The following STN1 variants were observed in gnomAD, a reference collection of about 807,000 sequenced individuals.
The protein encoded by STN1 is STN1 subunit of CST complex, also known as CST complex subunit STN1.
STN1 carries 29 observed loss-of-function variants against 45.5 expected under a neutral mutation model. The ratio of observed to expected loss-of-function variants is 0.64; its 90% confidence interval spans 0.47 to 0.87. STN1 has a LOEUF of 0.87. STN1 is among the 40% of genes least tolerant of loss of function. STN1 has a pLI of 0.00. For missense variants in STN1, 376 were observed against 441.4 expected (o/e 0.85, Z 1.33); for synonymous variants, 148 against 159.0 (o/e 0.93, Z 0.52).
intron 7 of STN1, among the ~76,000 whole-genome samples, chr10:103,892,718 A>C (rs1843147739): frequency 6.6e-6 from 1 of 152,214 alleles, no homozygotes; most frequent in African/African-American, 2.4e-5. Flanking sequence ...TCATTATTTT[A>C]AATGGAGGAC....
rs562598835 is a variant in STN1 at position 103,881,673 on chromosome 10, C to T, written c.*1011G>A. On this transcript the variant is annotated 3_prime_UTR_variant, in exon 10 of 10. Transcript: ENST00000224950. ...TCACATCAAGAGCAAATGCAGCAGA[C>T]GAAGGCAGTGCCTTCTGTGAAATGA... Among the ~76,000 whole-genome samples, 7 of 152,322 alleles carry T rather than the reference C, an allele frequency of 4.6e-5. No individual in the cohort carries two copies. The South Asian group carries it at 6.2e-4, about 14-fold the overall frequency.
chr10:103,884,692 C>T (rs1843092162), intron 9 of STN1, among the ~76,000 whole-genome samples: 1 of 152,096 alleles, frequency 6.6e-6, no homozygotes. Flanking sequence ...AGAGGTATTG[C>T]GGTGTGAGGC....
rs1431462316 is a variant in STN1, at chr10:103,881,862, TTGTC to T, written c.*818_*821del. On this transcript the variant is annotated 3_prime_UTR_variant, in exon 10 of 10. Transcript: ENST00000224950. ...ACCTGTCTGGGCACATACCGAGTCT[TTGTC>T]TGGATGGTGTCAGCACATCCTGCAC... is the stretch of plus-strand genomic sequence containing the variant. Among the ~76,000 whole-genome samples the T allele has an allele frequency of 1.3e-5, 2 of 152,168 alleles. No homozygotes were observed. Among genetic ancestry groups the T allele is most frequent in the East Asian group, 1.9e-4 (1 of 5,188 alleles).
In STN1 at chr10:103,910,199, C is replaced by T. The variant is rs1038174159; in HGVS notation, c.229+328G>A. The stretch of plus-strand genomic sequence containing the variant: ...TGATCCACATAACCACATATTACCA[C>T]GCTTTGCTATTTACAGATATACCCT... On this transcript the variant is annotated intron_variant, in intron 3 of 9. Coordinates refer to ENST00000224950, the MANE Select transcript of STN1 (RefSeq NM_024928.5). Among the ~76,000 whole-genome samples the T allele has an allele frequency of 5.9e-5, 9 of 152,290 alleles. No individual in the cohort carries two copies. In the East Asian group the frequency reaches 7.7e-4, roughly 13 times the overall value.
chr10:103,900,431 G>A (rs1194544672), intron 4 of STN1, among the ~76,000 whole-genome samples: 4 of 152,162 alleles, frequency 2.6e-5, no homozygotes, highest in Non-Finnish European at 4.4e-5. Flanking sequence ...AGAGCGGGGT[G>A]AAAGGAACGG....
chr10:103,900,322 C>T lies in STN1; in HGVS notation c.296-99G>A, dbSNP rs150154593. 1.1e-3 allele frequency: 1,183 copies of T among 1,095,372 alleles called. 10 individuals carry two copies. The African/African-American group carries it at 0.013, about 12-fold the overall frequency. 67.9% of individuals were successfully genotyped at this position (1,095,372 alleles called of 1,614,324 possible). On this transcript the variant is annotated intron_variant, in intron 4 of 9. Coordinates refer to ENST00000224950, the MANE Select transcript of STN1 (RefSeq NM_024928.5). ...TTTAGGGTAAGACCAACACAATATG[C>T]TTATTTATTCTACTTCTGAGTAATT...
In STN1 at chr10:103,879,559, G is replaced by T. The variant is rs115640623; in HGVS notation, c.*3125C>A. ...AGCACCAGCCCTAAGGCAGGAATAT[G>T]CCGAGGCATGTGTGCAAGGCCCGTG... On this transcript the variant is annotated 3_prime_UTR_variant, in exon 10 of 10. Transcript: ENST00000224950. The T allele has an allele frequency of 8.6e-3, 1,037 of 120,796 alleles. 10 individuals are homozygous for T. The highest frequency in any genetic ancestry group is 0.033 in the African/African-American group (961 of 29,072). The allele number at this position is 120,796 out of a possible 1,614,324, so 7.5% of individuals were successfully genotyped here.
intron 5 of STN1, 72 bp from the exon 6 acceptor site, chr10:103,899,072 A>G: frequency 6.5e-7 from 1 of 1,542,690 alleles, no homozygotes; most frequent in Non-Finnish European, 8.8e-7. Context: ...TCCCAGGCCC[A>G]AACTGCTGCT....
chr10:103,916,704 C>G (rs995176482), intron 2 of STN1, among the ~76,000 whole-genome samples: 6 of 151,262 alleles, frequency 4.0e-5, no homozygotes, highest in Non-Finnish European at 7.4e-5. Context: ...TATTACACAG[C>G]TACGTGAATT....
At chr10:103,891,264 C>T (rs1843137605) in intron 8 of STN1, among the ~76,000 whole-genome samples, 1 of 152,172 alleles carries the variant, frequency 6.6e-6, no homozygotes, top group Admixed American at 6.5e-5. Flanking sequence ...CTAAAAAATA[C>T]ACAACAGGTA....
In STN1 at chr10:103,877,896, G is replaced by C. The variant is rs1363855738; in HGVS notation, c.*4788C>G. On this transcript the variant is annotated 3_prime_UTR_variant, in exon 10 of 10. Coordinates refer to ENST00000224950, the MANE Select transcript of STN1 (RefSeq NM_024928.5). ...CACATAAATGTAGTAAAAAAACAAT[G>C]AGACGCTTCTTTGGGGCAACTGCTG... is the stretch of plus-strand genomic sequence containing the variant. 1 of 152,240 alleles carries C rather than the reference G, an allele frequency of 6.6e-6. No homozygotes were observed. Among genetic ancestry groups the C allele is most frequent in the South Asian group, 2.1e-4 (1 of 4,836 alleles). The allele number at this position is 152,240 out of a possible 1,614,324, so 9.4% of individuals were successfully genotyped here. A position where few individuals can be genotyped will look rare whatever the true frequency, so the allele number is the denominator to read the frequency against.
At chr10:103,917,261 A>T (rs1399277300) in intron 2 of STN1, among the ~76,000 whole-genome samples, 3 of 80,988 alleles carry the variant, frequency 3.7e-5, no homozygotes, top group Non-Finnish European at 8.6e-5. Context: ...CACCTACTAA[A>T]AAAAAAAAAA....
chr10:103,916,708 G>C (rs551730578), intron 2 of STN1, among the ~76,000 whole-genome samples: 1 of 151,134 alleles, frequency 6.6e-6, no homozygotes, highest in Non-Finnish European at 1.5e-5. Context: ...ACACAGCTAC[G>C]TGAATTATTT....
Position 103,909,468 on chromosome 10 carries a change from A to G in STN1, c.229+1059T>C, listed in dbSNP as rs1173937153. 5.7e-4 allele frequency among the ~76,000 whole-genome samples: 41 copies of G among 71,732 alleles called. 2 individuals are homozygous for G. The highest frequency in any genetic ancestry group is 2.3e-3 in the Admixed American group (12 of 5,240). The allele number at this position is 71,732 out of a possible 152,430, so 47.1% of individuals were successfully genotyped here. On this transcript the variant is annotated intron_variant, in intron 3 of 9. Coordinates refer to ENST00000224950, the MANE Select transcript of STN1 (RefSeq NM_024928.5). ...TGTATATATGTATATATGTATATAT[A>G]TGTATATATGTATATATATGTGTGT...
At chr10:103,899,026 C>T (rs746237799) in intron 5 of STN1, 26 bp from the exon 6 acceptor site, 1 of 1,612,218 alleles carries the variant, frequency 6.2e-7, no homozygotes, top group Non-Finnish European at 8.5e-7. Flanking sequence ...AAAAAAGATG[C>T]TACAGAAATT....
rs555807139 is a variant in STN1 at position 103,883,267 on chromosome 10, T to TC, written c.950-427dup. Among the ~76,000 whole-genome samples, 196 of 152,222 alleles carry TC rather than the reference T, an allele frequency of 1.3e-3. 1 individual carries two copies. The East Asian group carries it at 0.035, about 27-fold the overall frequency. ...TGGTTTGCTGCAGCCTCCGTATGCT[T>TC]CCCCCTAAGTCCTGATTTGATGCGG... On this transcript the variant is annotated intron_variant, in intron 9 of 9. Coordinates refer to ENST00000224950, the MANE Select transcript of STN1 (RefSeq NM_024928.5).
At chr10:103,909,408 GTATA>G (rs1219021440) in intron 3 of STN1, among the ~76,000 whole-genome samples, 4 of 46,602 alleles carry the variant, frequency 8.6e-5, no homozygotes, top group East Asian at 4.3e-4. Context: ...GTATATATAT[GTATA>G]TATGTATATA....
intron 1 of STN1, among the ~76,000 whole-genome samples, chr10:103,917,880 C>G (rs558410094): frequency 6.6e-6 from 1 of 152,326 alleles, no homozygotes; most frequent in East Asian, 1.9e-4. Context: ...CCACAAAGCA[C>G]CAACTTCGGA....
intron 2 of STN1, 71 bp from the exon 3 acceptor site, chr10:103,910,693 T>C (rs1421166595): frequency 1.2e-6 from 1 of 834,664 alleles, no homozygotes; most frequent in Non-Finnish European, 2.0e-6. Flanking sequence ...TCTTAACTTG[T>C]AGGGGGGAAG....
Sources: allele counts gnomAD v4.1 joint callset (sites outside exome capture counted in the v4.1 genomes callset), GRCh38; gene constraint gnomAD v4.1.1; transcripts MANE v1.5; gene names NCBI Gene and HGNC (gene_info 2026-07-23, HGNC 2026-07-21).